Variants in CFAP97 observed in about 807,000 individuals in gnomAD.
The protein encoded by CFAP97 is cilia and flagella associated protein 97.
In CFAP97, 36 loss-of-function variants were observed where a neutral mutation model predicts 43.1. The observed-to-expected ratio is 0.84, with a 90% CI of 0.64 to 1.10. The LOEUF (loss-of-function observed/expected upper bound fraction) is 1.10, where lower values mean the gene tolerates loss of function less well. Ranked by LOEUF, CFAP97 falls within the 50% of genes least tolerant of loss-of-function variation. The pLI, the probability that CFAP97 is intolerant of heterozygous loss-of-function variation, is 0.00. For missense variants in CFAP97, 657 were observed against 620.3 expected (o/e 1.06, Z -0.63); for synonymous variants, 228 against 225.7 (o/e 1.01, Z -0.09).
intron 3 of CFAP97, 119 bp from the exon 4 acceptor site, chr4:185,164,298 T>C: frequency 9.9e-7 from 1 of 1,010,216 alleles, no homozygotes; most frequent in East Asian, 2.6e-5. Flanking sequence ...AGACAAGATC[T>C]TACTCTGTCA....
chr4:185,184,238 G>A (rs574472234), intron 2 of CFAP97, among the ~76,000 whole-genome samples: 4 of 152,272 alleles, frequency 2.6e-5, no homozygotes, highest in East Asian at 1.9e-4. Flanking sequence ...TGGGTTAACC[G>A]TATGCATACT....
At chr4:185,176,122 T>TTC in intron 2 of CFAP97, 71 bp from the exon 3 acceptor site, 1 of 1,227,854 alleles carries the variant, frequency 8.1e-7, no homozygotes, top group Non-Finnish European at 1.1e-6. Context: ...TTTTTTTTTT[T>TTC]CTCTTTTTAG....
chr4:185,180,355 C>T, intron 2 of CFAP97, among the ~76,000 whole-genome samples: 1 of 152,100 alleles, frequency 6.6e-6, no homozygotes, highest in Admixed American at 6.5e-5. Flanking sequence ...GTAACCATCA[C>T]CACCACCAGT....
intron 1 of CFAP97, among the ~76,000 whole-genome samples, chr4:185,203,542 C>T (rs1361858566): frequency 6.6e-6 from 1 of 152,166 alleles, no homozygotes; most frequent in Non-Finnish European, 1.5e-5. Flanking sequence ...CCCCTCGGGC[C>T]TCGTGGGTTA....
intron 2 of CFAP97, among the ~76,000 whole-genome samples, chr4:185,180,442 G>T (rs549356406): frequency 1.5e-4 from 23 of 151,994 alleles, no homozygotes; most frequent in African/African-American, 5.3e-4. Context: ...CCTTCCCTTC[G>T]CCTCTGGAAG....
chr4:185,175,908 T>C lies in CFAP97; in HGVS notation c.1198A>G (p.Arg400Gly). 1 of 1,613,986 alleles carries C rather than the reference T, an allele frequency of 6.2e-7. No individual in the cohort carries two copies. The highest frequency in any genetic ancestry group is 8.5e-7 in the Non-Finnish European group (1 of 1,179,886). Residue 400 changes from arginine to glycine, a missense_variant, in exon 3 of 5, where the codon AGA (arginine) becomes GGA (glycine). Arg to Gly is a moderately radical substitution (Grantham distance 125, BLOSUM62 -2). Transcript: ENST00000458385. ...ENQRLLKELS[R>G]QAEKPGSKST... is the part of the protein sequence containing the mutation. ...TTGCTTCCCGGCTTTTCCGCCTGTCTTGACAGTTCTTTCAAAAGCCTCTGA... is the reference window on the plus strand; with the variant it reads ...TTGCTTCCCGGCTTTTCCGCCTGTCCTGACAGTTCTTTCAAAAGCCTCTGA...
At chr4:185,199,427 C>T (rs1194567234) in intron 1 of CFAP97, among the ~76,000 whole-genome samples, 2 of 151,914 alleles carry the variant, frequency 1.3e-5, no homozygotes, top group Non-Finnish European at 2.9e-5. Context: ...CAAGCACTTT[C>T]GGAGGCCAAG....
At chr4:185,164,869 G>T (rs1735007666) in intron 3 of CFAP97, among the ~76,000 whole-genome samples, 1 of 152,190 alleles carries the variant, frequency 6.6e-6, no homozygotes, top group South Asian at 2.1e-4. Flanking sequence ...CTAGGAATGA[G>T]CACACACATA....
At chr4:185,170,753 G>A (rs902770349) in intron 3 of CFAP97, among the ~76,000 whole-genome samples, 3 of 151,496 alleles carry the variant, frequency 2.0e-5, no homozygotes, top group African/African-American at 7.3e-5. Flanking sequence ...GAGACGCCGA[G>A]GCTGGTGGAT....
At chr4:185,202,070 G>C (rs915652425) in intron 1 of CFAP97, among the ~76,000 whole-genome samples, 5 of 152,144 alleles carry the variant, frequency 3.3e-5, no homozygotes, top group Non-Finnish European at 7.3e-5. Flanking sequence ...CTCCTTGCCA[G>C]ACTGGGAGCT....
chr4:185,195,219 T>C (rs1158450840), intron 1 of CFAP97, among the ~76,000 whole-genome samples: 1 of 152,220 alleles, frequency 6.6e-6, no homozygotes, highest in Admixed American at 6.5e-5. Flanking sequence ...GCTGGCACCA[T>C]GGCTCATGAC....
upstream of CFAP97, chr4:185,204,587 T>TA: frequency 6.6e-6 from 1 of 152,264 alleles, no homozygotes; most frequent in Non-Finnish European, 1.5e-5. Context: ...GTGCACCTCC[T>TA]AGTCCCCACA....
chr4:185,197,427 A>ATT (rs200250759), intron 1 of CFAP97, among the ~76,000 whole-genome samples: 119 of 144,486 alleles, frequency 8.2e-4, no homozygotes, highest in African/African-American at 2.4e-3. Context: ...TTGTTTTTGA[A>ATT]TTTTTTTTTT....
chr4:185,206,777 A>G (rs1231017109), upstream of CFAP97, among the ~76,000 whole-genome samples: 1 of 152,022 alleles, frequency 6.6e-6, no homozygotes, highest in Non-Finnish European at 1.5e-5. Flanking sequence ...ATTGGCTTAC[A>G]TGATTATGGA....
chr4:185,203,391 A>G (rs533488486), intron 1 of CFAP97, among the ~76,000 whole-genome samples: 1 of 152,280 alleles, frequency 6.6e-6, no homozygotes, highest in Non-Finnish European at 1.5e-5. Context: ...GTGACAATAC[A>G]TTTCTGTAGT....
chr4:185,181,208 G>A (rs991453182), intron 2 of CFAP97, among the ~76,000 whole-genome samples: 5 of 151,114 alleles, frequency 3.3e-5, no homozygotes, highest in African/African-American at 7.3e-5. Context: ...CCAGGAAGGC[G>A]GAGGTTGCAC....
In CFAP97 at chr4:185,162,862, T is replaced by C. The variant is rs374928103; in HGVS notation, c.1535A>G (p.Asp512Gly). 2.7e-5 allele frequency: 44 copies of C among 1,612,276 alleles called. No individual in the cohort carries two copies. The highest frequency in any genetic ancestry group is 1.6e-4 in the Middle Eastern group (1 of 6,078). Residue 512 changes from aspartate (D) to glycine (G), a missense_variant, in exon 5 of 5, where the codon GAC becomes GGC. Coordinates refer to ENST00000458385, the MANE Select transcript of CFAP97 (RefSeq NM_020827.3). ...TCTTCGAGGGTGGCCACTGGAGGGG[T>C]CAACCGCTGATCGCTCACTCCTACA... is the stretch of plus-strand genomic sequence containing the variant. ...LSCRSERSAV[D>G]PSSGHPRRRP...
chr4:185,190,343 T>C lies in CFAP97; in HGVS notation c.854A>G (p.Glu285Gly). The change falls in exon 2 of 5, where the codon GAA becomes GGA. Residue 285 changes from glutamate (E) to glycine (G), a missense_variant. Physicochemically the swap from Glu to Gly is moderately conservative, Grantham distance 98. Transcript: ENST00000458385. ...TTCATATATTTCTTGGCTCACATTT[T>C]CTTGCTTTTTAATTTTCACTTTTTG... ...NDQKVKIKKQENVSQEIYEDV... is the reference protein window; with the variant it reads ...NDQKVKIKKQGNVSQEIYEDV... 6.2e-7 allele frequency: 1 copy of C among 1,604,178 alleles called. No homozygotes were observed. The highest frequency in any genetic ancestry group is 8.5e-7 in the Non-Finnish European group (1 of 1,174,272).
chr4:185,180,807 T>C (rs1413177169), intron 2 of CFAP97, among the ~76,000 whole-genome samples: 1 of 152,088 alleles, frequency 6.6e-6, no homozygotes, highest in Non-Finnish European at 1.5e-5. Flanking sequence ...TCCAAAAGTT[T>C]GTAGCATTAT....
Sources: gnomAD v4.1 joint callset for allele counts (sites outside exome capture counted in the v4.1 genomes callset) on GRCh38, gnomAD v4.1.1 for gene constraint, MANE v1.5 for transcripts, NCBI Gene and HGNC (gene_info 2026-07-23, HGNC 2026-07-21) for gene names.